The following RNFT2 variants were observed in gnomAD, a reference collection of about 807,000 sequenced individuals.
The protein encoded by RNFT2 is ring finger protein, transmembrane 2.
Under a neutral mutation model 53.0 loss-of-function variants are expected in RNFT2, and 36 were observed. The ratio of observed to expected loss-of-function variants is 0.68; its 90% CI spans 0.52 to 0.90. The LOEUF is 0.90. Among genes scored for constraint, RNFT2 ranks in the 40% least tolerant of loss-of-function variants. The pLI, the probability that RNFT2 is intolerant of heterozygous loss-of-function variation, is 0.00. For synonymous variants in RNFT2, 260 were observed against 253.2 expected, an observed-to-expected ratio of 1.03 and a Z score of -0.26; for missense variants, 514 against 585.6, an observed-to-expected ratio of 0.88 and a Z score of 1.26.
chr12:116,750,080 A>G lies in RNFT2; in HGVS notation c.323A>G (p.His108Arg). The change falls in exon 4 of 11, where the codon CAC becomes CGC. Residue 108 changes from histidine (H) to arginine (R), a missense_variant. Physicochemically the swap from His to Arg is conservative, Grantham distance 29 (BLOSUM62 0). Transcript: ENST00000257575. ...GGCCGGGGCGAGGGGGGCGCCTACC[A>G]CCACCGCCAGCCCCACCACCATTTC... ...GGGRGEGGAY[H>R]HRQPHHHFHH... The G allele has an allele frequency of 6.5e-7, 1 of 1,545,078 alleles. No individual in the cohort carries two copies. Among genetic ancestry groups the G allele is most frequent in the Non-Finnish European group, 8.7e-7 (1 of 1,148,896 alleles).
At chr12:116,768,523 A>C (rs1873021363) in intron 6 of RNFT2, among the ~76,000 whole-genome samples, 1 of 152,140 alleles carries the variant, frequency 6.6e-6, no homozygotes, top group Admixed American at 6.6e-5. Context: ...TTACCTAGTG[A>C]TATTGCAGCC....
At chr12:116,841,803 AT>A (rs1447464795) in intron 10 of RNFT2, among the ~76,000 whole-genome samples, 9 of 94,444 alleles carry the variant, frequency 9.5e-5, no homozygotes, top group African/African-American at 3.7e-4. Context: ...AAATATATAT[AT>A]AAATATATAT....
At chr12:116,742,807 G>A (rs1283274267) in intron 3 of RNFT2, among the ~76,000 whole-genome samples, 4 of 152,188 alleles carry the variant, frequency 2.6e-5, no homozygotes, top group East Asian at 1.9e-4. Context: ...AACTAGCCAC[G>A]TATGGTGGTG....
chr12:116,740,964 C>T (rs1871577417), intron 2 of RNFT2, 72 bp from the exon 3 acceptor site: 2 of 1,372,714 alleles, frequency 1.5e-6, no homozygotes, highest in South Asian at 2.5e-5. Context: ...TTGCAGTTTA[C>T]AATTACCTTG....
intron 5 of RNFT2, among the ~76,000 whole-genome samples, chr12:116,765,964 T>A (rs1872894914): frequency 6.6e-6 from 1 of 152,202 alleles, no homozygotes; most frequent in Admixed American, 6.5e-5. Context: ...GCTTTAAATA[T>A]GAATCTGTAC....
At chr12:116,758,800 T>G (rs2137086737) in intron 5 of RNFT2, among the ~76,000 whole-genome samples, 1 of 152,354 alleles carries the variant, frequency 6.6e-6, no homozygotes, top group Non-Finnish European at 1.5e-5. Flanking sequence ...GATTGTTTCC[T>G]TCGTTTTAAC....
chr12:116,798,604 T>C (rs1874620413), intron 7 of RNFT2, among the ~76,000 whole-genome samples: 1 of 152,206 alleles, frequency 6.6e-6, no homozygotes, highest in Non-Finnish European at 1.5e-5. Context: ...ACAGAGTCTC[T>C]GTCACCCAGG....
intron 10 of RNFT2, among the ~76,000 whole-genome samples, chr12:116,841,881 A>AT (rs1877325447): frequency 4.1e-5 from 1 of 24,664 alleles, no homozygotes; most frequent in Non-Finnish European, 9.2e-5. Context: ...ATATATATAT[A>AT]AATATATATA....
intron 7 of RNFT2, among the ~76,000 whole-genome samples, chr12:116,785,335 C>G (rs1257261163): frequency 6.7e-6 from 1 of 150,202 alleles, no homozygotes; most frequent in Non-Finnish European, 1.5e-5. Flanking sequence ...CTCTGCTTCC[C>G]AGGCTGGAGT....
chr12:116,785,373 G>C (rs1333504015), intron 7 of RNFT2, among the ~76,000 whole-genome samples: 2 of 151,682 alleles, frequency 1.3e-5, no homozygotes, highest in Admixed American at 6.6e-5. Flanking sequence ...GTTCACTGCA[G>C]CCTCAACCTC....
chr12:116,784,360 G>C (rs532563379), intron 7 of RNFT2, among the ~76,000 whole-genome samples: 3 of 152,116 alleles, frequency 2.0e-5, no homozygotes, highest in Non-Finnish European at 4.4e-5. Context: ...GATTGGCCCC[G>C]GTCATTTTGT....
intron 5 of RNFT2, among the ~76,000 whole-genome samples, chr12:116,754,428 A>G (rs1872405165): frequency 6.6e-6 from 1 of 152,130 alleles, no homozygotes; most frequent in Admixed American, 6.6e-5. Flanking sequence ...AAAATTGTGA[A>G]TTGTGCTGCT....
intron 10 of RNFT2, among the ~76,000 whole-genome samples, chr12:116,838,062 T>C (rs1877070513): frequency 6.6e-6 from 1 of 152,192 alleles, no homozygotes; most frequent in African/African-American, 2.4e-5. Context: ...ACCTATGCTG[T>C]TTTCTGCACC....
chr12:116,757,225 G>A (rs960182992), intron 5 of RNFT2, among the ~76,000 whole-genome samples: 4 of 152,032 alleles, frequency 2.6e-5, no homozygotes, highest in African/African-American at 9.6e-5. Flanking sequence ...TCTTTTCTTG[G>A]TTAATCTTGC....
At chr12:116,807,538 A>G (rs1394277209) in intron 7 of RNFT2, among the ~76,000 whole-genome samples, 2 of 152,038 alleles carry the variant, frequency 1.3e-5, no homozygotes, top group East Asian at 3.9e-4. Context: ...GGGTATGTAA[A>G]TGACAGGGCT....
intron 5 of RNFT2, among the ~76,000 whole-genome samples, chr12:116,758,658 G>T (rs1482618315): frequency 6.6e-6 from 1 of 152,188 alleles, no homozygotes; most frequent in East Asian, 1.9e-4. Flanking sequence ...GCTAATCATT[G>T]TTTTGTTTGA....
At chr12:116,765,542 A>G (rs1872871151) in intron 5 of RNFT2, among the ~76,000 whole-genome samples, 1 of 152,152 alleles carries the variant, frequency 6.6e-6, no homozygotes, top group Admixed American at 6.6e-5. Flanking sequence ...CCAGTCTGAA[A>G]AAAGGCACGA....
intron 7 of RNFT2, among the ~76,000 whole-genome samples, chr12:116,832,140 A>ATATATATAT (rs1555209706): frequency 5.9e-5 from 4 of 68,150 alleles, no homozygotes; most frequent in African/African-American, 2.1e-4. Context: ...CAAAAAAAAA[A>ATATATATAT]AAAAAAAAAT....
intron 7 of RNFT2, among the ~76,000 whole-genome samples, chr12:116,806,381 A>AAAAAATAT (rs1465646224): frequency 1.5e-5 from 2 of 133,470 alleles, no homozygotes; most frequent in Admixed American, 7.4e-5. Flanking sequence ...AAAAAAAAAA[A>AAAAAATAT]ATATATATAT....
Sources: allele counts gnomAD v4.1 joint callset (sites outside exome capture counted in the v4.1 genomes callset), GRCh38; gene constraint gnomAD v4.1.1; transcripts MANE v1.5; gene names NCBI Gene and HGNC (gene_info 2026-07-23, HGNC 2026-07-21).